Variants in ERMN observed in about 807,000 individuals in gnomAD.
The protein encoded by ERMN is ermin, ERM-like protein.
A neutral mutation model predicts 21.4 loss-of-function variants in ERMN; 17 were observed. The observed-to-expected ratio is 0.80, with a 90% confidence interval of 0.54 to 1.19. The LOEUF (loss-of-function observed/expected upper bound fraction) is 1.19. ERMN is among the 50% of genes most tolerant of loss of function. The pLI is 0.00. For missense variants in ERMN, 348 were observed against 331.6 expected, an observed-to-expected ratio of 1.05 and a Z score of -0.38; for synonymous variants, 115 against 111.9, an observed-to-expected ratio of 1.03 and a Z score of -0.17.
intron 2 of ERMN, among the ~76,000 whole-genome samples, chr2:157,323,074 C>T (rs1001970129): frequency 1.3e-5 from 2 of 152,014 alleles, no homozygotes; most frequent in Non-Finnish European, 2.9e-5. Context: ...TAAAACACAC[C>T]AAAATCTGTG....
chr2:157,325,966 C>A (rs1268134707), upstream of ERMN: 25 of 1,203,346 alleles, frequency 2.1e-5, no homozygotes, highest in Non-Finnish European at 2.6e-5. Flanking sequence ...CAATCTGAAG[C>A]AATCAGGCTT....
rs1351809810 is a variant in ERMN, at chr2:157,321,468, C to T, written c.658G>A (p.Gly220Ser). Reference sequence around the variant, plus strand: ...AGTGGGGAGTCCTCACTTGCATCACCTTCCTCTTTAAATTGAGAAACCTCT... The same window carrying T: ...AGTGGGGAGTCCTCACTTGCATCACTTTCCTCTTTAAATTGAGAAACCTCT... ...HEEVSQFKEE[G>S]DASEDSPLSS... Residue 220 changes from glycine to serine, a missense_variant, in exon 3 of 3, where the codon GGT becomes AGT. By Grantham distance (56) the Gly-to-Ser change is moderately conservative. Coordinates refer to ENST00000410096, the MANE Select transcript of ERMN (RefSeq NM_020711.3). 1 of 1,613,984 alleles carries T rather than the reference C, an allele frequency of 6.2e-7. No individual in the cohort carries two copies. Among genetic ancestry groups the T allele is most frequent in the Non-Finnish European group, 8.5e-7 (1 of 1,180,018 alleles).
At chr2:157,321,820 T>A in intron 2 of ERMN, 29 bp from the exon 3 acceptor site, 4 of 1,548,208 alleles carry the variant, frequency 2.6e-6, no homozygotes, top group Non-Finnish European at 3.5e-6. Context: ...GTAGATGAGA[T>A]GTGTAGAGAT....
upstream of ERMN, among the ~76,000 whole-genome samples, chr2:157,326,686 C>G (rs1026281586): frequency 2.0e-5 from 3 of 152,126 alleles, no homozygotes; most frequent in Admixed American, 6.6e-5. Context: ...CAAAATGGTT[C>G]CAGAGCCTTT....
At position 157,325,585 on chromosome 2, in the gene ERMN, C is replaced by T; in HGVS notation, c.58G>A (p.Glu20Lys). 1 of 1,614,162 alleles carries T rather than the reference C, an allele frequency of 6.2e-7. No homozygotes were observed. ...QAECNGDKPP[E>K]NGQQTITKIS... is the part of the protein sequence containing the mutation. ...TTAGTGATTGTTTGTTGACCGTTTT[C>T]AGGTGGTTTATCCCCATTACACTCA... Residue 20 changes from glutamate (E) to lysine (K), a missense_variant, in exon 1 of 3, where the codon GAA (glutamate) becomes AAA (lysine). Transcript: ENST00000410096.
At position 157,325,597 on chromosome 2, in the gene ERMN, C is replaced by G. The variant is rs1477191490; in HGVS notation, c.46G>C (p.Asp16His). The G allele has an allele frequency of 6.2e-7, 1 of 1,614,154 alleles. No homozygotes were observed. The highest frequency in any genetic ancestry group is 2.2e-5 in the East Asian group (1 of 44,890). Residue 16 changes from aspartate (D) to histidine (H), a missense_variant, in exon 1 of 3, where the codon GAT becomes CAT. Transcript: ENST00000410096. ...TGTTGACCGTTTTCAGGTGGTTTAT[C>G]CCCATTACACTCAGCCTGGGTAAAT... ...ATFTQAECNG[D>H]KPPENGQQTI...
chr2:157,324,630 G>C, intron 2 of ERMN, 40 bp downstream of exon 2: 1 of 1,491,886 alleles, frequency 6.7e-7, no homozygotes, highest in Non-Finnish European at 9.3e-7. Context: ...TCCATACTCA[G>C]TCAAACAATT....
chr2:157,321,376 G>C lies in ERMN; in HGVS notation c.750C>G (p.Ile250Met). The C allele has an allele frequency of 6.2e-7, 1 of 1,614,122 alleles. No individual in the cohort carries two copies. Reference sequence around the variant, plus strand: ...TGTATCTGGAATAAGCATTTCTGGAGATATCACTCTTCTTCCCTAAGGTTG... The same window carrying C: ...TGTATCTGGAATAAGCATTTCTGGACATATCACTCTTCTTCCCTAAGGTTG... ...EQPTLGKKSD[I>M]SRNAYSRYNT... Residue 250 changes from isoleucine (I) to methionine (M), a missense_variant, in exon 3 of 3, where the codon ATC becomes ATG. Coordinates refer to ENST00000410096, the MANE Select transcript of ERMN (RefSeq NM_020711.3).
At chr2:157,326,156 T>C (rs1684063908), upstream of ERMN, among the ~76,000 whole-genome samples, 1 of 152,246 alleles carries the variant, frequency 6.6e-6, no homozygotes, top group Admixed American at 6.5e-5. Context: ...TGTAACCAGC[T>C]TAACATTTCC....
Position 157,325,526 on chromosome 2 carries a change from G to A in ERMN, c.117C>T (p.Pro39=). 6.2e-7 allele frequency: 1 copy of A among 1,614,162 alleles called. No individual in the cohort carries two copies. Residue 39 remains proline, a synonymous_variant, in exon 1 of 3, where the codon CCC becomes CCT. Coordinates refer to ENST00000410096, the MANE Select transcript of ERMN (RefSeq NM_020711.3). ...TGGGTTCTACCCTGTAGTGTGGCAG[G>A]GGGCTGTCCACATCAGTCAATTCCT... ...ISEELTDVDS[P]LPHYRVEPSL...
rs544389172 is a variant in ERMN, at chr2:157,320,081, T to G, written c.*1190A>C. 2.0e-5 allele frequency: 3 copies of G among 152,362 alleles called. No individual in the cohort carries two copies. In the South Asian group the frequency reaches 6.2e-4, roughly 32 times the overall value. 9.4% of individuals were successfully genotyped at this position (152,362 alleles called of 1,614,324 possible). ...GTTCAGGGTAATATATATGGAAGCA[T>G]GAAATGAAAAATTGTGGAACAAACT... On this transcript the variant is annotated 3_prime_UTR_variant, in exon 3 of 3. Coordinates refer to ENST00000410096, the MANE Select transcript of ERMN (RefSeq NM_020711.3).
chr2:157,324,626 C>T (rs2105189652), intron 2 of ERMN, 44 bp downstream of exon 2: 1 of 1,436,184 alleles, frequency 7.0e-7, no homozygotes, highest in South Asian at 1.2e-5. Context: ...GTCATCCATA[C>T]TCAGTCAAAC....
At chr2:157,322,039 C>G (rs13028288) in intron 2 of ERMN, among the ~76,000 whole-genome samples, 14,797 of 151,938 alleles carry the variant, frequency 0.097, 776 homozygotes, top group African/African-American at 0.12. Context: ...GAAATGCTAA[C>G]GAGTATTGTA....
Position 157,321,550 on chromosome 2 carries a change from A to G in ERMN, c.576T>C (p.Asp192=). 1.2e-6 allele frequency: 2 copies of G among 1,610,004 alleles called. No individual in the cohort carries two copies. The highest frequency in any genetic ancestry group is 1.7e-6 in the Non-Finnish European group (2 of 1,176,616). ...WDEEIDDDDD[D]NCNNDEDEVR... ...CTTCATCTTCATCATTATTGCAATT[A>G]TCATCATCATCATCATCAATTTCTT... Residue 192 remains aspartate, a synonymous_variant, in exon 3 of 3, where the codon GAT becomes GAC. Coordinates refer to ENST00000410096, the MANE Select transcript of ERMN (RefSeq NM_020711.3).
Position 157,321,328 on chromosome 2 carries a change from G to A in ERMN, c.798C>T (p.Ile266=). The change falls in exon 3 of 3, where the codon ATC becomes ATT. Residue 266 remains isoleucine, a synonymous_variant. Transcript: ENST00000410096. ...SRYNTISYRK[I]RKGNTKQRID... The stretch of plus-strand genomic sequence containing the variant: ...TTCTTTGCTTGGTATTTCCCTTTCT[G>A]ATTTTCCGATAGGATATTGTATTGT... The A allele has an allele frequency of 6.2e-7, 1 of 1,613,922 alleles. No individual in the cohort carries two copies.
chr2:157,322,741 GAAGTA>G (rs1683944903), intron 2 of ERMN, among the ~76,000 whole-genome samples: 1 of 152,180 alleles, frequency 6.6e-6, no homozygotes, highest in Non-Finnish European at 1.5e-5. Flanking sequence ...TACAGAGATA[GAAGTA>G]AAGATGGGTG....
upstream of ERMN, chr2:157,327,305 T>G (rs1574050878): frequency 3.4e-6 from 2 of 593,256 alleles, no homozygotes; most frequent in African/African-American, 3.7e-5. Flanking sequence ...TTGGAAGACA[T>G]CTCTAATAGA....
At position 157,321,298 on chromosome 2, in the gene ERMN, A is replaced by T; in HGVS notation, c.828T>A (p.Asp276Glu). 6.2e-7 allele frequency: 1 copy of T among 1,613,758 alleles called. No homozygotes were observed. The highest frequency in any genetic ancestry group is 8.5e-7 in the Non-Finnish European group (1 of 1,179,802). Reference protein sequence around the residue: ...IRKGNTKQRIDEFESMMHL With the variant: ...IRKGNTKQRIEEFESMMHL ...ATAAATGCATCATAGACTCGAATTC[A>T]TCAATTCTTTGCTTGGTATTTCCCT... The change falls in exon 3 of 3, where the codon GAT (aspartate) becomes GAA (glutamate). Residue 276 changes from aspartate (D) to glutamate (E), a missense_variant. By Grantham distance (45) the Asp-to-Glu change is conservative (BLOSUM62 2). Coordinates refer to ENST00000410096, the MANE Select transcript of ERMN (RefSeq NM_020711.3).
chr2:157,327,228 G>C (rs1574050824), upstream of ERMN: 1 of 428,780 alleles, frequency 2.3e-6, no homozygotes, highest in South Asian at 3.5e-5. Context: ...TGTGTCTAGG[G>C]CTGAGCCCAT....
Sources: gnomAD v4.1 joint callset for allele counts (sites outside exome capture counted in the v4.1 genomes callset) on GRCh38, gnomAD v4.1.1 for gene constraint, MANE v1.5 for transcripts, NCBI Gene and HGNC (gene_info 2026-07-23, HGNC 2026-07-21) for gene names.